The following SMCO4 variants were observed in gnomAD, a reference collection of about 807,000 sequenced individuals.
The protein encoded by SMCO4 is single-pass membrane and coiled-coil domain-containing protein 4.
In SMCO4, 4 loss-of-function variants were observed where a neutral mutation model predicts 3.6. The ratio of observed to expected loss-of-function variants is 1.11; its 90% CI spans 0.54 to 2.53. SMCO4 has a LOEUF of 2.53. SMCO4 is among the 30% of genes most tolerant of loss of function. The pLI is 0.02. For synonymous variants in SMCO4, 36 were observed against 35.3 expected (o/e 1.02, Z -0.07); for missense variants, 70 against 80.8 (o/e 0.87, Z 0.51).
At chr11:93,551,270 G>A in the SMCO4 span, among the ~76,000 whole-genome samples, 3 of 152,284 alleles carry the variant, frequency 2.0e-5, no homozygotes, top group Non-Finnish European at 4.4e-5. Context: ...ATATTGAAAG[G>A]TCAGAGAAGA....
At chr11:93,508,198 G>C (rs527451107) in intron 1 of SMCO4, among the ~76,000 whole-genome samples, 2 of 152,234 alleles carry the variant, frequency 1.3e-5, no homozygotes, top group African/African-American at 4.8e-5. Flanking sequence ...GAACTGCTGA[G>C]CTAGTGTCGT....
chr11:93,479,101 A>AT lies in SMCO4; in HGVS notation c.88dup (p.Ile30AsnfsTer78). ...CAGCGTGGGCAGCACCACTGTAGTG[A>AT]TCTGCTGCCGGGCCTCCTGCATGGC... On this transcript the variant is annotated frameshift_variant, in exon 3 of 3. Transcript: ENST00000298966. LOFTEE classifies it high-confidence loss of function. 1 of 1,614,060 alleles carries AT rather than the reference A, an allele frequency of 6.2e-7. No individual in the cohort carries two copies. Among genetic ancestry groups the AT allele is most frequent in the South Asian group, 1.1e-5 (1 of 91,088 alleles).
intron 1 of SMCO4, among the ~76,000 whole-genome samples, chr11:93,502,322 G>T (rs571737574): frequency 4.3e-4 from 66 of 151,960 alleles, no homozygotes; most frequent in African/African-American, 1.5e-3. Flanking sequence ...TCCCCCAACA[G>T]CCCTCCCCCT....
chr11:93,542,425 G>C (rs539468936), intron 1 of SMCO4, among the ~76,000 whole-genome samples: 48 of 152,292 alleles, frequency 3.2e-4, no homozygotes, highest in African/African-American at 1.1e-3. Flanking sequence ...AGATAGTTAT[G>C]ATATCATGCA....
In SMCO4 at chr11:93,479,186, G is replaced by A. The variant is rs762437359; in HGVS notation, c.4C>T (p.Arg2Trp). The A allele has an allele frequency of 2.5e-5, 41 of 1,613,398 alleles. No individual in the cohort carries two copies. Among genetic ancestry groups the A allele is most frequent in the East Asian group, 8.9e-5 (4 of 44,858 alleles). The change falls in exon 3 of 3, where the codon CGG becomes TGG. Residue 2 changes from arginine to tryptophan, a missense_variant. Transcript: ENST00000298966. ...TTCTTGGGCTTCCCTTTGAGCTGCC[G>A]CATCTTTCCTAGAGGATGCTAGGAG... is the stretch of plus-strand genomic sequence containing the variant. M[R>W]QLKGKPKKET...
chr11:93,533,362 G>A (rs16919027), intron 1 of SMCO4, among the ~76,000 whole-genome samples: 2,625 of 152,272 alleles, frequency 0.017, 113 homozygotes, highest in East Asian at 0.14. Flanking sequence ...CTTGGGAGGA[G>A]TAAACGGCAG....
chr11:93,498,938 T>C (rs1053398275), intron 2 of SMCO4, among the ~76,000 whole-genome samples: 14 of 151,948 alleles, frequency 9.2e-5, no homozygotes, highest in African/African-American at 3.4e-4. Flanking sequence ...AGCGTGGAAG[T>C]AAGTACTATG....
At chr11:93,523,943 T>C (rs148960957) in intron 1 of SMCO4, among the ~76,000 whole-genome samples, 33 of 152,294 alleles carry the variant, frequency 2.2e-4, no homozygotes, top group African/African-American at 5.8e-4. Context: ...CTTGGAAAGA[T>C]TCTAGCTGAA....
chr11:93,551,401 A>G, the SMCO4 span, among the ~76,000 whole-genome samples: 4 of 152,234 alleles, frequency 2.6e-5, no homozygotes, highest in Admixed American at 2.6e-4. Context: ...GACAATGATC[A>G]GGACAAGAAG....
At chr11:93,542,479 C>T (rs988709627) in intron 1 of SMCO4, among the ~76,000 whole-genome samples, 1 of 152,214 alleles carries the variant, frequency 6.6e-6, no homozygotes, top group African/African-American at 2.4e-5. Context: ...ATCTCATCCG[C>T]TCAGCTGTCC....
upstream of SMCO4, among the ~76,000 whole-genome samples, chr11:93,545,003 A>G (rs1330174602): frequency 6.6e-6 from 1 of 152,186 alleles, no homozygotes; most frequent in Non-Finnish European, 1.5e-5. Flanking sequence ...GTAGCTCCAC[A>G]CTAGGGCAGA....
At chr11:93,506,273 C>T (rs530355925) in intron 1 of SMCO4, among the ~76,000 whole-genome samples, 1 of 152,264 alleles carries the variant, frequency 6.6e-6, no homozygotes, top group Admixed American at 6.5e-5. Flanking sequence ...GGCCCAAGAC[C>T]CTTTCTGGGA....
At chr11:93,492,365 C>T (rs757240175) in intron 2 of SMCO4, among the ~76,000 whole-genome samples, 7 of 152,156 alleles carry the variant, frequency 4.6e-5, no homozygotes, top group Non-Finnish European at 1.0e-4. Context: ...TCACCAAATA[C>T]AAGGCAGACT....
At chr11:93,479,691 A>C (rs1948569290) in intron 2 of SMCO4, among the ~76,000 whole-genome samples, 2 of 152,206 alleles carry the variant, frequency 1.3e-5, no homozygotes, top group Non-Finnish European at 1.5e-5. Flanking sequence ...GGCAGCCTGC[A>C]GTCTCCAGGC....
At chr11:93,543,156 G>A (rs955605414) in intron 1 of SMCO4, 120 bp downstream of exon 1, 1 of 149,110 alleles carries the variant, frequency 6.7e-6, no homozygotes, top group African/African-American at 2.4e-5. Flanking sequence ...GAGCCGGCGT[G>A]GCGGGAACCG....
chr11:93,523,791 C>T (rs866265235), intron 1 of SMCO4, among the ~76,000 whole-genome samples: 3 of 152,184 alleles, frequency 2.0e-5, no homozygotes, highest in Admixed American at 2.0e-4. Flanking sequence ...TTTCTAAAAT[C>T]GTGTTTTGGC....
Position 93,484,254 on chromosome 11 carries a change from A to AT in SMCO4, c.-80-4986dup, listed in dbSNP as rs1444663759. 5.3e-5 allele frequency among the ~76,000 whole-genome samples: 8 copies of AT among 152,100 alleles called. No individual in the cohort carries two copies. In the East Asian group the frequency reaches 1.4e-3, roughly 26 times the overall value. ...ATTCTTCAGCACAGAATTGTTTGTG[A>AT]TTTTTTTTCTGTGATTAGAACTTTC... On this transcript the variant is annotated intron_variant, in intron 2 of 2. Transcript: ENST00000298966.
At chr11:93,491,879 T>C (rs766931481) in intron 2 of SMCO4, among the ~76,000 whole-genome samples, 62 of 152,146 alleles carry the variant, frequency 4.1e-4, no homozygotes, top group Non-Finnish European at 5.3e-4. Context: ...CCTTCTCCCC[T>C]AGACACGTAA....
intron 1 of SMCO4, among the ~76,000 whole-genome samples, chr11:93,536,904 C>CA (rs1949230954): frequency 6.6e-6 from 1 of 152,186 alleles, no homozygotes; most frequent in African/African-American, 2.4e-5. Context: ...CAGGTCTTCC[C>CA]AAGACTGACA....
Sources: allele counts gnomAD v4.1 joint callset (sites outside exome capture counted in the v4.1 genomes callset), GRCh38; gene constraint gnomAD v4.1.1; transcripts MANE v1.5; gene names NCBI Gene and HGNC (gene_info 2026-07-23, HGNC 2026-07-21).